Variants in BIRC6 observed in about 807,000 individuals in gnomAD.
The protein encoded by BIRC6 is dual E2 ubiquitin-conjugating enzyme/E3 ubiquitin-protein ligase BIRC6.
BIRC6 carries 98 observed loss-of-function variants against 503.3 expected under a neutral mutation model. That is an observed-to-expected ratio of 0.19 (90% CI 0.17 to 0.23). BIRC6 has a LOEUF of 0.23. Ranked by LOEUF, BIRC6 falls within the 10% of genes least tolerant of loss-of-function variation. BIRC6 has a pLI of 1.00. For synonymous variants in BIRC6, 2,240 were observed against 2,078.7 expected, an observed-to-expected ratio of 1.08 and a Z score of -2.11; for missense variants, 5,360 against 5,806.0, an observed-to-expected ratio of 0.92 and a Z score of 2.50.
At chr2:32,466,975 C>T (rs907123563) in intron 26 of BIRC6, among the ~76,000 whole-genome samples, 3 of 151,978 alleles carry the variant, frequency 2.0e-5, no homozygotes, top group East Asian at 1.9e-4. Flanking sequence ...AAAAATTAGC[C>T]GGGCATGGCA....
chr2:32,418,016 G>GCGAT (rs2042566969), intron 10 of BIRC6, among the ~76,000 whole-genome samples: 1 of 152,152 alleles, frequency 6.6e-6, no homozygotes, highest in Non-Finnish European at 1.5e-5. Context: ...CTGACCTCGA[G>GCGAT]CGATCCGTCT....
At chr2:32,570,659 C>G (rs2150946756) in intron 65 of BIRC6, among the ~76,000 whole-genome samples, 1 of 146,768 alleles carries the variant, frequency 6.8e-6, no homozygotes, top group East Asian at 2.1e-4. Flanking sequence ...ACCACAACAC[C>G]CGGCTAATTT....
chr2:32,577,334 T>C (rs1454069143), intron 66 of BIRC6, among the ~76,000 whole-genome samples: 1 of 152,170 alleles, frequency 6.6e-6, no homozygotes, highest in Non-Finnish European at 1.5e-5. Flanking sequence ...ATGACTCTGT[T>C]AGCTTATAAC....
chr2:32,527,651 GA>G (rs2056385091), intron 59 of BIRC6: 1 of 152,440 alleles, frequency 6.6e-6, no homozygotes, highest in Non-Finnish European at 1.5e-5. Context: ...GTGTGACTTT[GA>G]AGGATTCTGT....
At chr2:32,404,620 A>G (rs1008511493) in intron 8 of BIRC6, among the ~76,000 whole-genome samples, 7 of 152,072 alleles carry the variant, frequency 4.6e-5, no homozygotes, top group Non-Finnish European at 8.8e-5. Context: ...GGCCTTAGCC[A>G]TAAAATGTTT....
intron 61 of BIRC6, among the ~76,000 whole-genome samples, chr2:32,533,645 T>C (rs1475832393): frequency 6.6e-6 from 1 of 152,168 alleles, no homozygotes; most frequent in East Asian, 1.9e-4. Flanking sequence ...TTGAAGAGAT[T>C]AGGCATGTAA....
intron 65 of BIRC6, among the ~76,000 whole-genome samples, chr2:32,550,400 A>C (rs532670589): frequency 6.6e-6 from 1 of 151,876 alleles, no homozygotes; most frequent in African/African-American, 2.4e-5. Context: ...AAAATACGCT[A>C]TTTCCCAGTC....
At position 32,468,529 on chromosome 2, in the gene BIRC6, G is replaced by T. The variant is rs1239582999; in HGVS notation, c.5873G>T (p.Arg1958Leu). 6.2e-7 allele frequency: 1 copy of T among 1,613,750 alleles called. No individual in the cohort carries two copies. Among genetic ancestry groups the T allele is most frequent in the Non-Finnish European group, 8.5e-7 (1 of 1,179,856 alleles). Residue 1958 changes from arginine to leucine, a missense_variant, in exon 29 of 74, where the codon CGA (arginine) becomes CTA (leucine). Arg to Leu is a moderately radical substitution (Grantham distance 102). Transcript: ENST00000421745. ...GCTAACAATGCACAGTACTTTTTAC[G>T]AAAACCAGATAAGGCAGTTGAGGAA... ...NSANNAQYFL[R>L]KPDKAVEEDS... is the part of the protein sequence containing the mutation.
chr2:32,414,581 C>A (rs916914775), intron 9 of BIRC6, among the ~76,000 whole-genome samples, 188 bp from the exon 10 acceptor site: 1 of 152,096 alleles, frequency 6.6e-6, no homozygotes, highest in Non-Finnish European at 1.5e-5. Flanking sequence ...GCACTAGAAT[C>A]ACTTGAACCT....
chr2:32,615,883 A>G (rs2063196729), intron 73 of BIRC6, among the ~76,000 whole-genome samples: 1 of 152,046 alleles, frequency 6.6e-6, no homozygotes, highest in Non-Finnish European at 1.5e-5. Flanking sequence ...TCTGCCCGCC[A>G]TGGCCTCCGA....
chr2:32,499,288 C>T (rs904489234), intron 45 of BIRC6, among the ~76,000 whole-genome samples: 2 of 152,166 alleles, frequency 1.3e-5, no homozygotes, highest in Non-Finnish European at 2.9e-5. Flanking sequence ...TCCGGATATA[C>T]TTGTCCCTTA....
chr2:32,436,102 T>G lies in BIRC6; in HGVS notation c.3549T>G (p.Cys1183Trp). The G allele has an allele frequency of 2.0e-6, 3 of 1,487,476 alleles. No homozygotes were observed. The highest frequency in any genetic ancestry group is 2.7e-6 in the Non-Finnish European group (3 of 1,103,360). The allele number at this position is 1,487,476 out of a possible 1,614,324, so 92.1% of individuals were successfully genotyped here. ...AGGATCATAAAGAAGACATTCTATG[T>G]GGGCCAGTATGGCTTGCTAGTGGCC... ...FLEDHKEDIL[C>W]GPVWLASGLD... The change falls in exon 15 of 74, where the codon TGT becomes TGG. Residue 1183 changes from cysteine (C) to tryptophan (W), a missense_variant. Physicochemically the swap from Cys to Trp is radical, Grantham distance 215. Coordinates refer to ENST00000421745, the MANE Select transcript of BIRC6 (RefSeq NM_016252.4).
chr2:32,394,606 A>G (rs1461489433), intron 5 of BIRC6, among the ~76,000 whole-genome samples: 1 of 152,086 alleles, frequency 6.6e-6, no homozygotes, highest in Non-Finnish European at 1.5e-5. Flanking sequence ...CCAAGGCAGG[A>G]GGATCGCTTA....
intron 66 of BIRC6, among the ~76,000 whole-genome samples, chr2:32,590,370 T>C (rs1360026472): frequency 6.6e-6 from 1 of 152,232 alleles, no homozygotes; most frequent in Non-Finnish European, 1.5e-5. Flanking sequence ...CTTCTTCAAA[T>C]GGCTCTCCTT....
At chr2:32,555,896 T>C (rs2058737547) in intron 65 of BIRC6, among the ~76,000 whole-genome samples, 1 of 138,216 alleles carries the variant, frequency 7.2e-6, no homozygotes. Flanking sequence ...AGCCTGGGTG[T>C]CAGAGTAGAC....
chr2:32,380,318 G>A (rs1289955429), intron 3 of BIRC6, 28 bp downstream of exon 3: 43 of 1,568,174 alleles, frequency 2.7e-5, no homozygotes, highest in Non-Finnish European at 3.7e-5. Context: ...TGCCTCTTTT[G>A]GGGTTATATT....
intron 3 of BIRC6, among the ~76,000 whole-genome samples, chr2:32,386,141 G>A (rs2038424584): frequency 1.3e-5 from 2 of 152,192 alleles, no homozygotes; most frequent in Admixed American, 1.3e-4. Flanking sequence ...TAGAATGTGA[G>A]ATGTGGTCTT....
intron 6 of BIRC6, among the ~76,000 whole-genome samples, chr2:32,399,140 C>T (rs920297525): frequency 2.0e-5 from 3 of 152,074 alleles, no homozygotes; most frequent in Non-Finnish European, 4.4e-5. Context: ...GGCTGGAGTG[C>T]AGTGGCGCGA....
intron 1 of BIRC6, among the ~76,000 whole-genome samples, chr2:32,376,070 C>A (rs1018830833): frequency 6.6e-6 from 1 of 151,672 alleles, no homozygotes; most frequent in African/African-American, 2.4e-5. Context: ...TCTGTAGTCC[C>A]AGCTACTCGG....
Sources: allele counts gnomAD v4.1 joint callset (sites outside exome capture counted in the v4.1 genomes callset), GRCh38; gene constraint gnomAD v4.1.1; transcripts MANE v1.5; gene names NCBI Gene and HGNC (gene_info 2026-07-23, HGNC 2026-07-21).